DPP10: variants seen among roughly 807,000 people sequenced by gnomAD.
DPP10 encodes the protein dipeptidyl peptidase like 10.
Under a neutral mutation model 120.9 loss-of-function variants are expected in DPP10, and 33 were observed. The ratio of observed to expected loss-of-function variants is 0.27; its 90% CI spans 0.21 to 0.37. The LOEUF is 0.37. Among genes scored for constraint, DPP10 ranks in the 10% least tolerant of loss-of-function variants. The pLI, the probability that DPP10 is intolerant of heterozygous loss-of-function variation, is 1.00. For synonymous variants in DPP10, 337 were observed against 326.1 expected, an observed-to-expected ratio of 1.03 and a Z score of -0.36; for missense variants, 816 against 942.8, an observed-to-expected ratio of 0.87 and a Z score of 1.76.
intron 1 of DPP10, among the ~76,000 whole-genome samples, chr2:114,616,930 A>C (rs1693719045): frequency 6.6e-6 from 1 of 152,120 alleles, no homozygotes. Flanking sequence ...TGACCTATGA[A>C]GTGTTTTTGC....
At chr2:115,106,191 C>T (rs1222798275) in intron 1 of DPP10, among the ~76,000 whole-genome samples, 1 of 152,196 alleles carries the variant, frequency 6.6e-6, no homozygotes, top group African/African-American at 2.4e-5. Flanking sequence ...CTGATAATGT[C>T]ACTTTGAACA....
intron 1 of DPP10, among the ~76,000 whole-genome samples, chr2:114,845,747 C>T (rs1338828974): frequency 6.6e-6 from 1 of 152,070 alleles, no homozygotes; most frequent in Non-Finnish European, 1.5e-5. Context: ...ATATCGCAAT[C>T]GGAATATTGT....
intron 5 of DPP10, among the ~76,000 whole-genome samples, chr2:115,683,065 C>A (rs774286738): frequency 3.5e-4 from 53 of 151,810 alleles, no homozygotes; most frequent in Non-Finnish European, 5.9e-4. Context: ...TTTTAATTAG[C>A]AAGTTTATTT....
intron 5 of DPP10, among the ~76,000 whole-genome samples, chr2:115,630,104 T>A (rs1197076000): frequency 6.6e-6 from 1 of 152,198 alleles, no homozygotes; most frequent in Non-Finnish European, 1.5e-5. Flanking sequence ...GTAGTTTTCC[T>A]TGAAGAGGTC....
intron 3 of DPP10, among the ~76,000 whole-genome samples, chr2:115,360,808 A>G (rs867866175): frequency 6.6e-6 from 1 of 152,050 alleles, no homozygotes; most frequent in South Asian, 2.1e-4. Context: ...AGAGTCAGAG[A>G]GGGTTGTGGG....
chr2:114,514,550 C>A (rs1238877122), intron 1 of DPP10, among the ~76,000 whole-genome samples: 4 of 152,134 alleles, frequency 2.6e-5, no homozygotes, highest in African/African-American at 7.2e-5. Flanking sequence ...AAGCTTAAGG[C>A]ATTGACATTC....
chr2:115,451,324 CT>C (rs2073091767), intron 3 of DPP10, among the ~76,000 whole-genome samples: 1 of 151,820 alleles, frequency 6.6e-6, no homozygotes, highest in Non-Finnish European at 1.5e-5. Flanking sequence ...ATTTAAGAAA[CT>C]TCTAATAAAG....
intron 5 of DPP10, 111 bp from the exon 6 acceptor site, chr2:115,689,576 A>T (rs2091193909): frequency 1.3e-6 from 1 of 748,536 alleles, no homozygotes; most frequent in East Asian, 2.7e-5. Context: ...TTATATTTTC[A>T]TTTCTGCCTA....
At chr2:115,732,204 A>T (rs552062783) in intron 8 of DPP10, among the ~76,000 whole-genome samples, 1 of 152,340 alleles carries the variant, frequency 6.6e-6, no homozygotes, top group South Asian at 2.1e-4. Flanking sequence ...TTAAAATTGA[A>T]ATTTACCTTT....
chr2:114,838,020 T>A (rs879404751), intron 1 of DPP10, among the ~76,000 whole-genome samples: 1 of 152,206 alleles, frequency 6.6e-6, no homozygotes, highest in Non-Finnish European at 1.5e-5. Flanking sequence ...CCAATGAAAG[T>A]GTACTAGGTG....
At chr2:114,695,968 A>C (rs906862848) in intron 1 of DPP10, among the ~76,000 whole-genome samples, 1 of 152,110 alleles carries the variant, frequency 6.6e-6, no homozygotes, top group African/African-American at 2.4e-5. Context: ...GTCTTATAGT[A>C]TGGTATTTAG....
In DPP10 at chr2:115,525,985, T is replaced by G; in HGVS notation, c.441+13T>G. On this transcript the variant is annotated intron_variant, in intron 5 of 25. Coordinates refer to ENST00000410059, the MANE Select transcript of DPP10 (RefSeq NM_020868.6). ...TGATGTCAAACAGGTAAAGGAGTGA[T>G]CTTCTTTGAGAATACTTTTCTTTGT... 1 of 1,588,970 alleles carries G rather than the reference T, an allele frequency of 6.3e-7. No individual in the cohort carries two copies. The highest frequency in any genetic ancestry group is 1.7e-4 in the Middle Eastern group (1 of 5,968).
chr2:115,441,898 C>A (rs1259937389), intron 3 of DPP10, among the ~76,000 whole-genome samples: 1 of 150,022 alleles, frequency 6.7e-6, no homozygotes, highest in African/African-American at 2.5e-5. Flanking sequence ...TCACTTCAAC[C>A]TCCACTTCCT....
At chr2:115,702,786 G>A (rs1435186164) in intron 7 of DPP10, among the ~76,000 whole-genome samples, 2 of 152,028 alleles carry the variant, frequency 1.3e-5, no homozygotes, top group Non-Finnish European at 2.9e-5. Flanking sequence ...GATAATAGCT[G>A]CACACATCTG....
intron 3 of DPP10, among the ~76,000 whole-genome samples, chr2:115,485,718 G>A (rs2075737501): frequency 6.6e-6 from 1 of 152,030 alleles, no homozygotes; most frequent in Non-Finnish European, 1.5e-5. Flanking sequence ...AGCATCTGTT[G>A]TTTAGATGTA....
intron 1 of DPP10, among the ~76,000 whole-genome samples, chr2:114,611,050 T>C (rs769426232): frequency 1.3e-5 from 2 of 152,252 alleles, no homozygotes; most frequent in Non-Finnish European, 2.9e-5. Context: ...TTACGAAGGC[T>C]GTCCCAGCAC....
chr2:115,366,481 ATG>A (rs2065085633), intron 3 of DPP10, among the ~76,000 whole-genome samples: 1 of 151,996 alleles, frequency 6.6e-6, no homozygotes, highest in Non-Finnish European at 1.5e-5. Context: ...GTACATTGCT[ATG>A]TATGTCTTTA....
chr2:114,963,564 A>G (rs887584541), intron 1 of DPP10, among the ~76,000 whole-genome samples: 9 of 152,230 alleles, frequency 5.9e-5, no homozygotes, highest in Admixed American at 6.5e-5. Flanking sequence ...CCTTCTCTAC[A>G]TAACCAGGCT....
intron 1 of DPP10, among the ~76,000 whole-genome samples, chr2:114,658,485 A>T (rs1697131106): frequency 6.6e-6 from 1 of 152,190 alleles, no homozygotes; most frequent in South Asian, 2.1e-4. Context: ...TGGAGTTCTG[A>T]GTAGGAGCAA....
Sources: gnomAD v4.1 joint callset for allele counts (sites outside exome capture counted in the v4.1 genomes callset) on GRCh38, gnomAD v4.1.1 for gene constraint, MANE v1.5 for transcripts, NCBI Gene and HGNC (gene_info 2026-07-23, HGNC 2026-07-21) for gene names.